MRPS2: variants seen among roughly 807,000 people sequenced by gnomAD.
The protein encoded by MRPS2 is small ribosomal subunit protein uS2m.
Under a neutral mutation model 18.9 loss-of-function variants are expected in MRPS2, and 13 were observed. The ratio of observed to expected loss-of-function variants is 0.69; its 90% CI spans 0.45 to 1.09. The LOEUF is 1.09. Ranked by LOEUF, MRPS2 falls within the 50% of genes least tolerant of loss-of-function variation. The probability of loss-of-function intolerance (pLI) is 0.00; values close to 1 mark genes in which losing one functional copy is unlikely to be tolerated. For missense variants in MRPS2, 389 were observed against 421.7 expected, an observed-to-expected ratio of 0.92 and a Z score of 0.68; for synonymous variants, 186 against 178.4, an observed-to-expected ratio of 1.04 and a Z score of -0.34.
Position 135,503,610 on chromosome 9 carries a change from C to G in MRPS2, c.368C>G (p.Thr123Arg), listed in dbSNP as rs375206134. Residue 123 changes from threonine (T) to arginine (R), a missense_variant, in exon 4 of 4, where the codon ACG (threonine) becomes AGG (arginine). Physicochemically the swap from Thr to Arg is moderately conservative, Grantham distance 71. Transcript: ENST00000241600. ...HDIIDLEQTA[T>R]HLQLALNFTA... ...ATCATCGACCTGGAACAGACAGCCA[C>G]GCACCTCCAGCTGGCCTTGAACTTC... The G allele has an allele frequency of 3.1e-6, 5 of 1,613,758 alleles. No homozygotes were observed. The East Asian group carries it at 1.1e-4, about 36-fold the overall frequency.
In MRPS2 at chr9:135,504,491, T is replaced by C; in HGVS notation, c.*358T>C. On this transcript the variant is annotated 3_prime_UTR_variant, in exon 4 of 4. Transcript: ENST00000241600. The surrounding 1 kb of genome is among the most constrained non-coding windows in gnomAD (Gnocchi z 4.3). ...TGACCTTTGTCAGGAAGGTGCAGTT[T>C]TTCTTCTCAATCTAAATGCCTTTCA... 4.0e-6 allele frequency: 1 copy of C among 248,362 alleles called. No homozygotes were observed. The highest frequency in any genetic ancestry group is 7.7e-6 in the Non-Finnish European group (1 of 130,042). The allele number at this position is 248,362 out of a possible 1,614,324, so 15.4% of individuals were successfully genotyped here.
upstream of MRPS2, chr9:135,500,506 C>A (rs936178256): frequency 4.0e-6 from 2 of 505,328 alleles, no homozygotes; most frequent in Non-Finnish European, 6.7e-6. Flanking sequence ...GGCTCCACTC[C>A]CCGCCCGAGA....
At position 135,503,618 on chromosome 9, in the gene MRPS2, C is replaced by T. The variant is rs1381866212; in HGVS notation, c.376C>T (p.Gln126Ter). The change falls in exon 4 of 4, where the codon CAG becomes TAG. Residue 126 changes from glutamine to a stop codon, truncating the protein, a stop_gained. Transcript: ENST00000241600. LOFTEE classifies it high-confidence loss of function. ...CCTGGAACAGACAGCCACGCACCTC[C>T]AGCTGGCCTTGAACTTCACCGCCCA... Reference protein sequence around the residue: ...IDLEQTATHLQLALNFTAHMA... With the variant: ...IDLEQTATHL 1.2e-6 allele frequency: 2 copies of T among 1,613,840 alleles called. No homozygotes were observed. Among genetic ancestry groups the T allele is most frequent in the South Asian group, 1.1e-5 (1 of 91,082 alleles).
In MRPS2 at chr9:135,503,848, C is replaced by G; in HGVS notation, c.606C>G (p.Ile202Met). ...TCTTCCTGCACACGCTCAACAACAT[C>G]TTTGAGCCACACGTGGCCGTGAGAG... is the stretch of plus-strand genomic sequence containing the variant. ...LIIFLHTLNN[I>M]FEPHVAVRDA... Residue 202 changes from isoleucine to methionine, a missense_variant, in exon 4 of 4, where the codon ATC becomes ATG. By Grantham distance (10) the Ile-to-Met change is conservative. Transcript: ENST00000241600. 1 of 1,613,882 alleles carries G rather than the reference C, an allele frequency of 6.2e-7. No individual in the cohort carries two copies. The highest frequency in any genetic ancestry group is 8.5e-7 in the Non-Finnish European group (1 of 1,180,044).
At chr9:135,500,899 ACCCGTTAGGGACGCGGAGGGGC>A in intron 1 of MRPS2, 77 bp from the exon 2 acceptor site, 3 of 1,568,936 alleles carry the variant, frequency 1.9e-6, no homozygotes, top group Non-Finnish European at 1.7e-6. Flanking sequence ...CGCGGAGGGG[ACCCGTTAGGGACGCGGAGGGGC>A]CCGTTGGGGA....
Position 135,500,998 on chromosome 9 carries a change from G to C in MRPS2, c.44G>C (p.Gly15Ala). Residue 15 changes from glycine (G) to alanine (A), a missense_variant and splice_region_variant, in exon 2 of 4, where the codon GGT (glycine) becomes GCT (alanine). Coordinates refer to ENST00000241600, the MANE Select transcript of MRPS2 (RefSeq NM_016034.5). The part of the protein sequence containing the change: ...SAALPRILGA[G>A]ARAPSRWLGF... ...AGGACCTCTATCTACTTCCCCCCAGGTGCCCGGGCCCCGTCGCGCTGGTTG... is the reference window on the plus strand; with the variant it reads ...AGGACCTCTATCTACTTCCCCCCAGCTGCCCGGGCCCCGTCGCGCTGGTTG... 6.2e-7 allele frequency: 1 copy of C among 1,611,910 alleles called. No homozygotes were observed. The highest frequency in any genetic ancestry group is 8.5e-7 in the Non-Finnish European group (1 of 1,179,572).
chr9:135,500,384 T>A, upstream of MRPS2: 1 of 382,470 alleles, frequency 2.6e-6, no homozygotes, highest in Non-Finnish European at 4.6e-6. Flanking sequence ...CACAGCTCAC[T>A]TGGCGGGAGG....
rs762550072 is a variant in MRPS2, at chr9:135,501,984, C to A, written c.299+11C>A. 15 of 1,612,998 alleles carry A rather than the reference C, an allele frequency of 9.3e-6. No homozygotes were observed. Among genetic ancestry groups the A allele is most frequent in the Non-Finnish European group, 1.2e-5 (14 of 1,179,862 alleles). ...TGGCTGTCGGCACAGGTAGGTGACACCCCCATCTGAGCCCGGGGCGGTTCC... is the reference window on the plus strand; with the variant it reads ...TGGCTGTCGGCACAGGTAGGTGACAACCCCATCTGAGCCCGGGGCGGTTCC... On this transcript the variant is annotated intron_variant, in intron 3 of 3. Transcript: ENST00000241600.
chr9:135,504,316 T>TGCTCTGTGGGGAA lies in MRPS2; in HGVS notation c.*184_*196dup. The TGCTCTGTGGGGAA allele has an allele frequency of 1.6e-6, 1 of 637,926 alleles. No individual in the cohort carries two copies. The highest frequency in any genetic ancestry group is 2.0e-5 in the South Asian group (1 of 51,230). The allele number at this position is 637,926 out of a possible 1,614,324, so 39.5% of individuals were successfully genotyped here. On this transcript the variant is annotated 3_prime_UTR_variant, in exon 4 of 4. Coordinates refer to ENST00000241600, the MANE Select transcript of MRPS2 (RefSeq NM_016034.5). The surrounding 1 kb of genome is among the most constrained non-coding windows in gnomAD (Gnocchi z 4.3). ...GCGGACCAACGTTGCCATGTGCGTT[T>TGCTCTGTGGGGAA]GCTCTGTGGGGAACAGAGCACAGAG...
Position 135,504,396 on chromosome 9 carries a change from G to C in MRPS2, c.*263G>C. 1 of 523,562 alleles carries C rather than the reference G, an allele frequency of 1.9e-6. No individual in the cohort carries two copies. Among genetic ancestry groups the C allele is most frequent in the South Asian group, 2.7e-5 (1 of 37,586 alleles). 32.4% of individuals were successfully genotyped at this position (523,562 alleles called of 1,614,324 possible). ...GGCTGCAGTTAGGACCTCAGTGGCT[G>C]GTATGGCCAAGCTGCTAGAAGATGC... On this transcript the variant is annotated 3_prime_UTR_variant, in exon 4 of 4. Transcript: ENST00000241600. The surrounding 1 kb of genome is among the most constrained non-coding windows in gnomAD (Gnocchi z 4.3).
In MRPS2 at chr9:135,501,016, G is replaced by C. The variant is rs976707629; in HGVS notation, c.62G>C (p.Arg21Pro). The C allele has an allele frequency of 6.2e-7, 1 of 1,611,806 alleles. No individual in the cohort carries two copies. Among genetic ancestry groups the C allele is most frequent in the Non-Finnish European group, 8.5e-7 (1 of 1,179,544 alleles). The change falls in exon 2 of 4, where the codon CGC becomes CCC. Residue 21 changes from arginine to proline, a missense_variant. Physicochemically the swap from Arg to Pro is moderately radical, Grantham distance 103. Transcript: ENST00000241600. ...ILGAGARAPSRWLGFLGKATP... is the reference protein window; with the variant it reads ...ILGAGARAPSPWLGFLGKATP... Reference sequence around the variant, plus strand: ...CCCCCAGGTGCCCGGGCCCCGTCGCGCTGGTTGGGCTTTCTCGGGAAGGCG... The same window carrying C: ...CCCCCAGGTGCCCGGGCCCCGTCGCCCTGGTTGGGCTTTCTCGGGAAGGCG...
Position 135,503,899 on chromosome 9 carries a change from A to G in MRPS2, c.657A>G (p.Thr219=). ...ACGCAGCCAAGATGAACATCCCCAC[A>G]GTGGGCATCGTGGACACCAACTGCA... The part of the protein sequence containing the change: ...VRDAAKMNIP[T]VGIVDTNCNP... The change falls in exon 4 of 4, where the codon ACA becomes ACG. Residue 219 remains threonine, a synonymous_variant. Coordinates refer to ENST00000241600, the MANE Select transcript of MRPS2 (RefSeq NM_016034.5). The G allele has an allele frequency of 6.2e-7, 1 of 1,614,010 alleles. No homozygotes were observed. Among genetic ancestry groups the G allele is most frequent in the Non-Finnish European group, 8.5e-7 (1 of 1,180,030 alleles).
chr9:135,502,155 C>G (rs893775751), intron 3 of MRPS2, 182 bp downstream of exon 3: 1 of 1,403,860 alleles, frequency 7.1e-7, no homozygotes, highest in South Asian at 1.5e-5. Context: ...GCTTGGCGGA[C>G]GCTCTTGTGT....
upstream of MRPS2, chr9:135,500,431 T>G: frequency 2.4e-6 from 1 of 424,566 alleles, no homozygotes; most frequent in Non-Finnish European, 4.1e-6. Flanking sequence ...TCCCCAAGGG[T>G]CAGGGGCCTC....
At chr9:135,500,507 C>T (rs564954650), upstream of MRPS2, 2 of 505,642 alleles carry the variant, frequency 4.0e-6, no homozygotes, top group South Asian at 3.8e-5. Context: ...GCTCCACTCC[C>T]CGCCCGAGAC....
Position 135,503,948 on chromosome 9 carries a change from G to A in MRPS2, c.706G>A (p.Val236Ile). 1 of 1,613,904 alleles carries A rather than the reference G, an allele frequency of 6.2e-7. No homozygotes were observed. The highest frequency in any genetic ancestry group is 1.3e-5 in the African/African-American group (1 of 75,054). Reference protein sequence around the residue: ...NCNPCLITYPVPGNDDSPLAV... With the variant: ...NCNPCLITYPIPGNDDSPLAV... The stretch of plus-strand genomic sequence containing the variant: ...CAACCCCTGCCTCATCACCTACCCT[G>A]TACCCGGCAATGACGACTCTCCGCT... The change falls in exon 4 of 4, where the codon GTA becomes ATA. Residue 236 changes from valine to isoleucine, a missense_variant. Transcript: ENST00000241600.
At position 135,500,722 on chromosome 9, in the gene MRPS2, C is replaced by T; in HGVS notation, c.12C>T (p.Ser4=). The T allele has an allele frequency of 1.4e-6, 2 of 1,480,722 alleles. No homozygotes were observed. The highest frequency in any genetic ancestry group is 2.7e-5 in the South Asian group (2 of 74,724). The allele number at this position is 1,480,722 out of a possible 1,614,324, so 91.7% of individuals were successfully genotyped here. A position where few individuals can be genotyped will look rare whatever the true frequency, so the allele number is the denominator to read the frequency against. Residue 4 remains serine, a synonymous_variant, in exon 1 of 4, where the codon TCC becomes TCT. Transcript: ENST00000241600. ...CCCGCGTCCCAGCCATGGCGACATCCTCGGCCGCGCTGCCCCGAATACTCG... is the reference window on the plus strand; with the variant it reads ...CCCGCGTCCCAGCCATGGCGACATCTTCGGCCGCGCTGCCCCGAATACTCG... MAT[S]SAALPRILGA...
rs137948216 is a variant in MRPS2, at chr9:135,504,295, A to G, written c.*162A>G. On this transcript the variant is annotated 3_prime_UTR_variant, in exon 4 of 4. Transcript: ENST00000241600. This position sits in a 1 kb window ranked among gnomAD's most constrained non-coding sequence, Gnocchi z 4.3. ...CACCACAGAACCAGTGGCTGAGCGG[A>G]CCAACGTTGCCATGTGCGTTTGCTC... 0.011 allele frequency: 7,722 copies of G among 694,222 alleles called. 70 individuals are homozygous for G. The highest frequency in any genetic ancestry group is 0.016 in the Non-Finnish European group (6,655 of 422,672). 43.0% of individuals were successfully genotyped at this position (694,222 alleles called of 1,614,324 possible).
chr9:135,503,346 A>C (rs1356338332), intron 3 of MRPS2, 196 bp from the exon 4 acceptor site: 11 of 1,425,364 alleles, frequency 7.7e-6, no homozygotes, highest in African/African-American at 1.4e-5. Flanking sequence ...GAGACGAGGC[A>C]TGCAGAGGGG....
Sources: allele counts gnomAD v4.1 joint callset, GRCh38; gene constraint gnomAD v4.1.1; non-coding constraint Gnocchi (gnomAD v3.1); transcripts MANE v1.5; gene names NCBI Gene and HGNC (gene_info 2026-07-23, HGNC 2026-07-21).